Variants in CCDC34 observed in about 807,000 individuals in gnomAD.
CCDC34 encodes coiled-coil domain containing 34.
In CCDC34, 40 loss-of-function variants were observed where a neutral mutation model predicts 44.1. The ratio of observed to expected loss-of-function variants is 0.91; its 90% CI spans 0.70 to 1.18. CCDC34 has a LOEUF of 1.18. CCDC34 is among the 50% of genes most tolerant of loss of function. The probability of loss-of-function intolerance (pLI) is 0.00; values close to 1 mark genes in which losing one functional copy is unlikely to be tolerated. For synonymous variants in CCDC34, 159 were observed against 158.2 expected (o/e 1.01, Z -0.04); for missense variants, 466 against 452.3 (o/e 1.03, Z -0.28).
At position 27,363,031 on chromosome 11, in the gene CCDC34, A is replaced by AGCG; in HGVS notation, c.161_163dup (p.Pro54dup). On this transcript the variant is annotated inframe_insertion, in exon 1 of 6. Transcript: ENST00000328697. ...GGTGGAATTGCTGCAGCTCAGCGGC[A>AGCG]GCGGCGGCGACGGCGAGCGCACCAC... 6.2e-7 allele frequency: 1 copy of AGCG among 1,614,136 alleles called. No individual in the cohort carries two copies. The highest frequency in any genetic ancestry group is 8.5e-7 in the Non-Finnish European group (1 of 1,180,010).
intron 3 of CCDC34, 147 bp downstream of exon 3, chr11:27,350,185 A>AAT: frequency 6.4e-7 from 1 of 1,553,228 alleles, no homozygotes; most frequent in Non-Finnish European, 8.7e-7. Flanking sequence ...AGACTTGATA[A>AAT]ATGTCCACCA....
chr11:27,353,754 TAAAG>T (rs1862535601), intron 2 of CCDC34, among the ~76,000 whole-genome samples: 1 of 152,130 alleles, frequency 6.6e-6, no homozygotes. Flanking sequence ...TCTTAAATCT[TAAAG>T]GAAGAAAATA....
intron 1 of CCDC34, among the ~76,000 whole-genome samples, chr11:27,358,279 T>C (rs1489596646): frequency 6.6e-6 from 1 of 152,058 alleles, no homozygotes; most frequent in Non-Finnish European, 1.5e-5. Context: ...GGGAAATAAG[T>C]ATATACATAA....
chr11:27,352,862 A>G (rs557184799), intron 2 of CCDC34, among the ~76,000 whole-genome samples: 2 of 152,334 alleles, frequency 1.3e-5, no homozygotes, highest in African/African-American at 2.4e-5. Flanking sequence ...TGTCTGTTCA[A>G]GTAATTTGTC....
At chr11:27,346,266 TACTCCTATA>T (rs1862431337) in intron 3 of CCDC34, among the ~76,000 whole-genome samples, 1 of 151,726 alleles carries the variant, frequency 6.6e-6, no homozygotes, top group Non-Finnish European at 1.5e-5. Flanking sequence ...TGTGGTGGTA[TACTCCTATA>T]ATCCCAGCTC....
intron 3 of CCDC34, among the ~76,000 whole-genome samples, chr11:27,346,199 C>T (rs1862430609): frequency 6.6e-6 from 1 of 151,720 alleles, no homozygotes; most frequent in Non-Finnish European, 1.5e-5. Context: ...ATTTCATGAC[C>T]AGCCTGGCCA....
intron 2 of CCDC34, among the ~76,000 whole-genome samples, chr11:27,354,147 G>T (rs1361849237): frequency 6.6e-6 from 1 of 152,206 alleles, no homozygotes; most frequent in Non-Finnish European, 1.5e-5. Context: ...CTATATGTTA[G>T]GATATCCCTG....
At chr11:27,348,462 A>G (rs552965783) in intron 3 of CCDC34, among the ~76,000 whole-genome samples, 1 of 152,378 alleles carries the variant, frequency 6.6e-6, no homozygotes, top group African/African-American at 2.4e-5. Flanking sequence ...CCACGGCAAC[A>G]CAAATGTTAG....
intron 3 of CCDC34, among the ~76,000 whole-genome samples, chr11:27,345,040 A>T (rs943577325): frequency 1.2e-4 from 19 of 152,162 alleles, no homozygotes; most frequent in Admixed American, 5.2e-4. Flanking sequence ...AGACCTATAA[A>T]TATGTGGTCA....
chr11:27,345,352 G>A (rs1862417198), intron 3 of CCDC34, among the ~76,000 whole-genome samples: 1 of 152,040 alleles, frequency 6.6e-6, no homozygotes, highest in Non-Finnish European at 1.5e-5. Context: ...TGTTACATAT[G>A]TATACATGTG....
At chr11:27,359,810 A>G (rs1236393568) in intron 1 of CCDC34, among the ~76,000 whole-genome samples, 2 of 152,246 alleles carry the variant, frequency 1.3e-5, no homozygotes, top group Non-Finnish European at 2.9e-5. Flanking sequence ...GTAAGTACTT[A>G]GTAAGTCATT....
At chr11:27,348,290 T>C (rs1035624050) in intron 3 of CCDC34, among the ~76,000 whole-genome samples, 14 of 152,264 alleles carry the variant, frequency 9.2e-5, no homozygotes, top group Non-Finnish European at 1.8e-4. Context: ...ATCCATCATA[T>C]ACCTTGTTGA....
chr11:27,341,301 C>G (rs903195133), intron 4 of CCDC34, 91 bp downstream of exon 4: 1 of 769,722 alleles, frequency 1.3e-6, no homozygotes, highest in Admixed American at 2.8e-5. Context: ...AAGATAGTGC[C>G]AATTTTCTAT....
intron 3 of CCDC34, among the ~76,000 whole-genome samples, chr11:27,343,651 A>G (rs1031172422): frequency 1.3e-5 from 2 of 152,352 alleles, no homozygotes; most frequent in South Asian, 2.1e-4. Context: ...AACTTTACCT[A>G]TAAGAAATCA....
chr11:27,351,035 T>A (rs906667234), intron 2 of CCDC34, among the ~76,000 whole-genome samples: 1 of 152,206 alleles, frequency 6.6e-6, no homozygotes, highest in African/African-American at 2.4e-5. Context: ...ATCTACACGT[T>A]TGGGCATTTC....
intron 1 of CCDC34, 140 bp downstream of exon 1, chr11:27,362,695 CA>C (rs75897350): frequency 2.8e-5 from 25 of 887,844 alleles, no homozygotes; most frequent in South Asian, 5.5e-5. Flanking sequence ...TCTTTATGTG[CA>C]AAAAAAACCA....
At chr11:27,361,457 T>C (rs1861713703) in intron 1 of CCDC34, among the ~76,000 whole-genome samples, 1 of 152,216 alleles carries the variant, frequency 6.6e-6, no homozygotes, top group Non-Finnish European at 1.5e-5. Context: ...TTAAATACCT[T>C]TGAGACCAAC....
In CCDC34 at chr11:27,338,940, G is replaced by A; in HGVS notation, c.1003C>T (p.Leu335=). 6.2e-7 allele frequency: 1 copy of A among 1,613,758 alleles called. No homozygotes were observed. Among genetic ancestry groups the A allele is most frequent in the Non-Finnish European group, 8.5e-7 (1 of 1,179,780 alleles). ...GGTCTTTTACTCTTCCTTCCTGATA[G>A]ATCCTTAGCTTCTTTGGGAGGTGGC... ...HMPPPKEAKD[L]SGRKSKRPVI... The change falls in exon 6 of 6, where the codon CTA becomes TTA. Residue 335 remains leucine (L), a synonymous_variant. Coordinates refer to ENST00000328697, the MANE Select transcript of CCDC34 (RefSeq NM_030771.2).
intron 5 of CCDC34, 137 bp downstream of exon 5, chr11:27,340,559 T>C: frequency 1.2e-6 from 1 of 843,616 alleles, no homozygotes; most frequent in Non-Finnish European, 1.7e-6. Context: ...GAACATGACA[T>C]GTTTATAATA....
Sources: gnomAD v4.1 joint callset for allele counts (sites outside exome capture counted in the v4.1 genomes callset) on GRCh38, gnomAD v4.1.1 for gene constraint, MANE v1.5 for transcripts, NCBI Gene and HGNC (gene_info 2026-07-23, HGNC 2026-07-21) for gene names.